The following TGFBR3 variants were observed in gnomAD, a reference collection of about 807,000 sequenced individuals.
The protein encoded by TGFBR3 is transforming growth factor beta receptor 3.
Under a neutral mutation model 87.9 loss-of-function variants are expected in TGFBR3, and 46 were observed. The ratio of observed to expected loss-of-function variants is 0.52; its 90% confidence interval spans 0.41 to 0.67. TGFBR3 has a LOEUF of 0.67. Among genes scored for constraint, TGFBR3 ranks in the 30% least tolerant of loss-of-function variants. The pLI, the probability that TGFBR3 is intolerant of heterozygous loss-of-function variation, is 0.00. For synonymous variants in TGFBR3, 381 were observed against 391.6 expected, an observed-to-expected ratio of 0.97 and a Z score of 0.32; for missense variants, 866 against 1,041.9, an observed-to-expected ratio of 0.83 and a Z score of 2.32.
In TGFBR3 at chr1:91,851,713, T is replaced by A. The variant is rs146856064; in HGVS notation, c.61+9758A>T. On this transcript the variant is annotated intron_variant, in intron 2 of 16. Coordinates refer to ENST00000212355, the MANE Select transcript of TGFBR3 (RefSeq NM_003243.5). ...ATAAAGCTGTGTCTTGATGGAAGTG[T>A]TGATCACTGTAAAACACACCATCAC... Among the ~76,000 whole-genome samples the A allele has an allele frequency of 5.4e-3, 815 of 152,324 alleles. 6 individuals carry two copies. The highest frequency in any genetic ancestry group is 0.018 in the African/African-American group (767 of 41,582).
chr1:91,763,892 G>A (rs1446840189), intron 3 of TGFBR3, among the ~76,000 whole-genome samples: 1 of 152,154 alleles, frequency 6.6e-6, no homozygotes, highest in Non-Finnish European at 1.5e-5. Flanking sequence ...CCCTACAGCT[G>A]ATATTTTATT....
intron 12 of TGFBR3, 134 bp downstream of exon 12, chr1:91,716,102 C>T: frequency 3.7e-6 from 4 of 1,088,080 alleles, no homozygotes. Flanking sequence ...TTCTCTGAGC[C>T]AATCCCTCAT....
chr1:91,893,474 G>A (rs1365617186), intron 2 of TGFBR3, among the ~76,000 whole-genome samples: 2 of 151,974 alleles, frequency 1.3e-5, no homozygotes, highest in Admixed American at 6.6e-5. Context: ...TGTAGAGCAG[G>A]GTTTCACCAT....
At chr1:91,722,490 TAAACTTTCCCTTTTTTTTACTTAAA>T (rs1267507097) in intron 7 of TGFBR3, among the ~76,000 whole-genome samples, 52 of 24,200 alleles carry the variant, frequency 2.1e-3, no homozygotes, top group Middle Eastern at 0.022. Context: ...ATATGTATAA[TAAACTTTCCCTTTTTTTTACTTAAA>T]ATGACATATA....
intron 2 of TGFBR3, among the ~76,000 whole-genome samples, chr1:91,897,610 T>C (rs1679578735): frequency 6.6e-6 from 1 of 152,210 alleles, no homozygotes; most frequent in Non-Finnish European, 1.5e-5. Flanking sequence ...TCTTCTGTTA[T>C]TTTTAGGCTG....
upstream of TGFBR3, among the ~76,000 whole-genome samples, chr1:91,888,942 C>T (rs532134420): frequency 2.0e-5 from 3 of 151,994 alleles, no homozygotes; most frequent in South Asian, 2.1e-4. Flanking sequence ...AGTGCAGTGG[C>T]GCAATCTCAG....
chr1:91,730,057 A>C, intron 5 of TGFBR3, 84 bp from the exon 6 acceptor site: 1 of 1,478,128 alleles, frequency 6.8e-7, no homozygotes. Context: ...AGTGAAACTG[A>C]GCAAATGGCA....
intron 2 of TGFBR3, among the ~76,000 whole-genome samples, chr1:91,823,517 C>T (rs964730342): frequency 1.3e-5 from 2 of 152,208 alleles, no homozygotes; most frequent in Admixed American, 6.5e-5. Context: ...TATATCCATA[C>T]CGCGGAAAAC....
intron 1 of TGFBR3, among the ~76,000 whole-genome samples, chr1:91,904,481 C>T (rs915165663): frequency 6.6e-6 from 1 of 151,406 alleles, no homozygotes; most frequent in Non-Finnish European, 1.5e-5. Context: ...ACTGCAACCT[C>T]TGCCTCCCGG....
At chr1:91,903,027 TAAAAAA>T (rs57978972) in intron 1 of TGFBR3, among the ~76,000 whole-genome samples, 1 of 134,128 alleles carries the variant, frequency 7.5e-6, no homozygotes, top group African/African-American at 2.8e-5. Flanking sequence ...GCACCTCACT[TAAAAAA>T]AAAAAAAAAA....
intron 2 of TGFBR3, among the ~76,000 whole-genome samples, chr1:91,857,073 T>A (rs546807637): frequency 1.3e-5 from 2 of 152,254 alleles, no homozygotes; most frequent in East Asian, 3.9e-4. Context: ...CTGGCAGAGA[T>A]CAAGCCCTTG....
At chr1:91,778,172 A>C (rs1023937592) in intron 3 of TGFBR3, among the ~76,000 whole-genome samples, 12 of 151,946 alleles carry the variant, frequency 7.9e-5, no homozygotes, top group African/African-American at 2.2e-4. Context: ...AAAAAAAAAA[A>C]AAACACACAT....
rs147431909 is a variant in TGFBR3 at position 91,846,430 on chromosome 1, G to C, written c.61+15041C>G. On this transcript the variant is annotated intron_variant, in intron 2 of 16. Transcript: ENST00000212355. ...AGGGCCAGGCTGAGACCTGGCAGGT[G>C]ACAGACAGTAAAGTTGTCCTTACAG... Among the ~76,000 whole-genome samples, 8 of 152,316 alleles carry C rather than the reference G, an allele frequency of 5.3e-5. No individual in the cohort carries two copies. The East Asian group carries it at 1.5e-3, about 29-fold the overall frequency.
intron 2 of TGFBR3, among the ~76,000 whole-genome samples, chr1:91,818,277 C>CTTTTTTTTTTTTTTTTT (rs1557726893): frequency 8.1e-6 from 1 of 123,142 alleles, no homozygotes; most frequent in Non-Finnish European, 1.7e-5. Context: ...TTAGCCCCAG[C>CTTTTTTTTTTTTTTTTT]CTTTTTTTTT....
At chr1:91,816,749 C>T (rs1300398893) in intron 2 of TGFBR3, among the ~76,000 whole-genome samples, 2 of 152,170 alleles carry the variant, frequency 1.3e-5, no homozygotes, top group African/African-American at 4.8e-5. Flanking sequence ...ATATTTTGCA[C>T]ATCAAAAGCA....
chr1:91,890,409 C>CATTTTTT (rs1679418729), upstream of TGFBR3, among the ~76,000 whole-genome samples: 1 of 60,386 alleles, frequency 1.7e-5, no homozygotes, highest in East Asian at 5.7e-4. Context: ...TCTCTATAAT[C>CATTTTTT]TTTTTTTTTT....
At chr1:91,839,235 G>A (rs367983833) in intron 2 of TGFBR3, among the ~76,000 whole-genome samples, 4 of 152,052 alleles carry the variant, frequency 2.6e-5, no homozygotes, top group East Asian at 1.9e-4. Context: ...ACCTCACCCC[G>A]TGAAAGTACT....
chr1:91,866,310 C>T (rs967198927), intron 1 of TGFBR3, among the ~76,000 whole-genome samples: 30 of 152,178 alleles, frequency 2.0e-4, no homozygotes, highest in Non-Finnish European at 3.8e-4. Context: ...CATGGCCTGG[C>T]TACATCCATG....
At chr1:91,845,654 T>A (rs1034132026) in intron 2 of TGFBR3, among the ~76,000 whole-genome samples, 4 of 152,242 alleles carry the variant, frequency 2.6e-5, no homozygotes, top group African/African-American at 9.6e-5. Flanking sequence ...TTTACCTGTT[T>A]CTTCCTTTCC....
Sources: gnomAD v4.1 joint callset for allele counts (sites outside exome capture counted in the v4.1 genomes callset) on GRCh38, gnomAD v4.1.1 for gene constraint, MANE v1.5 for transcripts, NCBI Gene and HGNC (gene_info 2026-07-23, HGNC 2026-07-21) for gene names.